MARCHF11: variants seen among roughly 807,000 people sequenced by gnomAD.
The protein encoded by MARCHF11 is membrane associated ring-CH-type finger 11.
Under a neutral mutation model 37.3 loss-of-function variants are expected in MARCHF11, and 29 were observed. The observed-to-expected ratio is 0.78, with a 90% CI of 0.58 to 1.06. The LOEUF (loss-of-function observed/expected upper bound fraction) is 1.06. MARCHF11 is among the 50% of genes least tolerant of loss of function. The probability of loss-of-function intolerance (pLI) is 0.00; values close to 1 mark genes in which losing one functional copy is unlikely to be tolerated. For synonymous variants in MARCHF11, 233 were observed against 228.0 expected (o/e 1.02, Z -0.20); for missense variants, 482 against 533.4 (o/e 0.90, Z 0.95).
intron 2 of MARCHF11, among the ~76,000 whole-genome samples, chr5:16,145,471 T>C (rs1287810754): frequency 6.6e-6 from 1 of 152,182 alleles, no homozygotes; most frequent in Non-Finnish European, 1.5e-5. Flanking sequence ...GGTGCCTTGA[T>C]ATTGGACTTC....
intron 2 of MARCHF11, among the ~76,000 whole-genome samples, chr5:16,151,651 G>A (rs1009898403): frequency 4.9e-5 from 4 of 81,388 alleles, no homozygotes; most frequent in East Asian, 3.2e-4. Flanking sequence ...TGAGTTGAAT[G>A]TGTGTGTGTG....
At chr5:16,166,633 C>A (rs992607681) in intron 2 of MARCHF11, among the ~76,000 whole-genome samples, 1 of 151,340 alleles carries the variant, frequency 6.6e-6, no homozygotes, top group East Asian at 1.9e-4. Context: ...AATTTCTATA[C>A]GATTAAATGT....
intron 3 of MARCHF11, among the ~76,000 whole-genome samples, chr5:16,085,397 G>T (rs1201622009): frequency 6.6e-6 from 1 of 152,084 alleles, no homozygotes; most frequent in Non-Finnish European, 1.5e-5. Flanking sequence ...CATGACCTAT[G>T]TGAGCCATTT....
chr5:16,091,209 A>T, intron 2 of MARCHF11, 128 bp from the exon 3 acceptor site: 1 of 630,616 alleles, frequency 1.6e-6, no homozygotes, highest in Non-Finnish European at 2.5e-6. Context: ...CCCCAAATGA[A>T]TTTTTTCATT....
At chr5:16,122,268 G>A (rs1457393499) in intron 2 of MARCHF11, among the ~76,000 whole-genome samples, 1 of 152,024 alleles carries the variant, frequency 6.6e-6, no homozygotes, top group Non-Finnish European at 1.5e-5. Flanking sequence ...GCATGCACTG[G>A]GTCTGAGTCT....
intron 2 of MARCHF11, among the ~76,000 whole-genome samples, chr5:16,110,255 G>A (rs967429751): frequency 1.3e-5 from 2 of 151,978 alleles, no homozygotes; most frequent in African/African-American, 2.4e-5. Context: ...CAATTTTAAA[G>A]GTCCCCTTTA....
rs558035458 is a variant in MARCHF11 at position 16,167,431 on chromosome 5, T to A, written c.693+10295A>T. Among the ~76,000 whole-genome samples, 10 of 152,216 alleles carry A rather than the reference T, an allele frequency of 6.6e-5. No homozygotes were observed. The East Asian group carries it at 1.9e-3, about 30-fold the overall frequency. Reference sequence around the variant, plus strand: ...CAAAGAAAATAATGATGTTCCAGCATGAAAACAGGTAAGCTGAGTTCTCTC... The same window carrying A: ...CAAAGAAAATAATGATGTTCCAGCAAGAAAACAGGTAAGCTGAGTTCTCTC... On this transcript the variant is annotated intron_variant, in intron 2 of 3. Transcript: ENST00000332432.
intron 2 of MARCHF11, among the ~76,000 whole-genome samples, chr5:16,169,735 T>C (rs1376795056): frequency 6.6e-6 from 1 of 152,104 alleles, no homozygotes; most frequent in African/African-American, 2.4e-5. Flanking sequence ...CAAACCACAG[T>C]GCAGTTTTTC....
At chr5:16,175,852 A>G (rs1738345561) in intron 2 of MARCHF11, among the ~76,000 whole-genome samples, 2 of 151,898 alleles carry the variant, frequency 1.3e-5, no homozygotes, top group African/African-American at 4.8e-5. Flanking sequence ...TTGGTAGGTC[A>G]CTACAACAAT....
chr5:16,159,307 C>T (rs1245175013), intron 2 of MARCHF11, among the ~76,000 whole-genome samples: 1 of 151,930 alleles, frequency 6.6e-6, no homozygotes, highest in Non-Finnish European at 1.5e-5. Flanking sequence ...ACACTTGAAA[C>T]CCACAGTTAA....
chr5:16,153,407 T>C (rs1011582907), intron 2 of MARCHF11, among the ~76,000 whole-genome samples: 9 of 151,920 alleles, frequency 5.9e-5, no homozygotes, highest in Admixed American at 5.9e-4. Flanking sequence ...CAAATGTGGC[T>C]AACTCAATGA....
At chr5:16,109,103 T>TACACACACACACACACACAC (rs3031633) in intron 2 of MARCHF11, among the ~76,000 whole-genome samples, 20 of 141,322 alleles carry the variant, frequency 1.4e-4, no homozygotes, top group African/African-American at 4.2e-4. Flanking sequence ...ACATAAGAAA[T>TACACACACACACACACACAC]ACACACACAC....
At chr5:16,108,030 A>G (rs1312789137) in intron 2 of MARCHF11, among the ~76,000 whole-genome samples, 1 of 152,212 alleles carries the variant, frequency 6.6e-6, no homozygotes, top group Non-Finnish European at 1.5e-5. Flanking sequence ...ACAAGAGCTC[A>G]GGATACAGAA....
At chr5:16,075,412 C>T (rs901674376) in intron 3 of MARCHF11, among the ~76,000 whole-genome samples, 1 of 152,246 alleles carries the variant, frequency 6.6e-6, no homozygotes, top group Admixed American at 6.5e-5. Context: ...CCACTCTACA[C>T]AGAAAATATC....
chr5:16,078,605 C>A (rs1736558219), intron 3 of MARCHF11, among the ~76,000 whole-genome samples: 1 of 152,124 alleles, frequency 6.6e-6, no homozygotes, highest in Admixed American at 6.6e-5. Flanking sequence ...AAAGAAAGTT[C>A]TTTGGTGCAA....
intron 2 of MARCHF11, among the ~76,000 whole-genome samples, chr5:16,171,703 C>A (rs1246638338): frequency 6.6e-6 from 1 of 152,116 alleles, no homozygotes. Context: ...CTGTCTGACC[C>A]TGTAGAGGAA....
At position 16,179,303 on chromosome 5, in the gene MARCHF11, G is replaced by C; in HGVS notation, c.273C>G (p.Pro91=). The change falls in exon 1 of 4, where the codon CCC becomes CCG. Residue 91 remains proline (P), a synonymous_variant. Coordinates refer to ENST00000332432, the MANE Select transcript of MARCHF11 (RefSeq NM_001102562.3). ...ELPPPPLPLQ[P]AGQEVAAAGD... ...CGGCCGCCGCCACTTCCTGGCCGGC[G>C]GGCTGCAGGGGCAGGGGCGGAGGCG... 1 of 1,268,118 alleles carries C rather than the reference G, an allele frequency of 7.9e-7. No homozygotes were observed. The highest frequency in any genetic ancestry group is 1.6e-5 in the African/African-American group (1 of 63,488). 78.6% of individuals were successfully genotyped at this position (1,268,118 alleles called of 1,614,324 possible). A position where few individuals can be genotyped will look rare whatever the true frequency, so the allele number is the denominator to read the frequency against.
intron 2 of MARCHF11, among the ~76,000 whole-genome samples, chr5:16,134,411 A>G (rs1022249998): frequency 2.0e-5 from 3 of 152,124 alleles, no homozygotes; most frequent in Non-Finnish European, 4.4e-5. Context: ...GCGTGCTGCC[A>G]TGCGATGACA....
chr5:16,155,451 A>G (rs534767795), intron 2 of MARCHF11, among the ~76,000 whole-genome samples: 18 of 151,854 alleles, frequency 1.2e-4, no homozygotes, highest in African/African-American at 4.1e-4. Context: ...AATATATATT[A>G]ACAATATTGT....
Sources: allele counts gnomAD v4.1 joint callset (sites outside exome capture counted in the v4.1 genomes callset), GRCh38; gene constraint gnomAD v4.1.1; transcripts MANE v1.5; gene names NCBI Gene and HGNC (gene_info 2026-07-23, HGNC 2026-07-21).